PPARG: variants seen among roughly 807,000 people sequenced by gnomAD.
PPARG encodes peroxisome proliferator-activated receptor gamma.
A neutral mutation model predicts 39.2 loss-of-function variants in PPARG; 17 were observed. The ratio of observed to expected loss-of-function variants is 0.43; its 90% CI spans 0.30 to 0.65. The LOEUF is 0.65. Among genes scored for constraint, PPARG ranks in the 30% least tolerant of loss-of-function variants. The probability of loss-of-function intolerance (pLI) is 0.13; values close to 1 mark genes in which losing one functional copy is unlikely to be tolerated. For synonymous variants in PPARG, 223 were observed against 215.7 expected (o/e 1.03, Z -0.30); for missense variants, 406 against 585.9 (o/e 0.69, Z 3.17).
intron 1 of PPARG, among the ~76,000 whole-genome samples, chr3:12,293,296 C>T (rs1029400136): frequency 6.6e-6 from 1 of 152,100 alleles, no homozygotes; most frequent in African/African-American, 2.4e-5. Flanking sequence ...TTTTATTCCA[C>T]TTCATTGATT....
At chr3:12,340,679 C>T (rs892626835) in intron 2 of PPARG, among the ~76,000 whole-genome samples, 2 of 152,164 alleles carry the variant, frequency 1.3e-5, no homozygotes, top group Admixed American at 1.3e-4. Flanking sequence ...AGTCCACAAA[C>T]CTGTCAGGAA....
chr3:12,337,469 G>T (rs1208762227), intron 2 of PPARG, among the ~76,000 whole-genome samples: 1 of 152,110 alleles, frequency 6.6e-6, no homozygotes, highest in Non-Finnish European at 1.5e-5. Flanking sequence ...TCTGAATAGA[G>T]CAAGAGTTTA....
intron 2 of PPARG, among the ~76,000 whole-genome samples, chr3:12,371,635 G>A (rs1057202819): frequency 6.6e-6 from 1 of 152,148 alleles, no homozygotes; most frequent in Non-Finnish European, 1.5e-5. Context: ...TCTGTGAAAA[G>A]TGGCAAAGGT....
At chr3:12,316,305 A>G (rs1216955551) in intron 2 of PPARG, among the ~76,000 whole-genome samples, 1 of 152,192 alleles carries the variant, frequency 6.6e-6, no homozygotes. Context: ...ACTCTTGTGT[A>G]TGTTCAACTA....
intron 1 of PPARG, among the ~76,000 whole-genome samples, chr3:12,297,419 CA>C (rs143198165): frequency 2.0e-5 from 3 of 152,034 alleles, no homozygotes; most frequent in Non-Finnish European, 4.4e-5. Flanking sequence ...CTCTCTTTCC[CA>C]AAGTTTATTC....
Position 12,323,060 on chromosome 3 carries a change from C to T in PPARG, c.-9+10607C>T, listed in dbSNP as rs139039772. Among the ~76,000 whole-genome samples, 562 of 152,282 alleles carry T rather than the reference C, an allele frequency of 3.7e-3. 8 individuals are homozygous for T. The highest frequency in any genetic ancestry group is 0.013 in the African/African-American group (544 of 41,552). Reference sequence around the variant, plus strand: ...AGCTCAAGCCATCCTCCCACCTCAGCCTCCCAAAGTGTTGAGATTATGGGC... The same window carrying T: ...AGCTCAAGCCATCCTCCCACCTCAGTCTCCCAAAGTGTTGAGATTATGGGC... On this transcript the variant is annotated intron_variant, in intron 2 of 7. Transcript: ENST00000651735.
At chr3:12,338,151 A>G (rs771558252) in intron 2 of PPARG, among the ~76,000 whole-genome samples, 33 of 152,368 alleles carry the variant, frequency 2.2e-4, no homozygotes, top group Non-Finnish European at 2.6e-4. Flanking sequence ...TAGGTAGGAA[A>G]GTATGACTTA....
intron 1 of PPARG, among the ~76,000 whole-genome samples, chr3:12,310,791 TAAAAAAAA>T (rs761238501): frequency 2.6e-4 from 13 of 50,336 alleles, no homozygotes; most frequent in Non-Finnish European, 2.0e-4. Context: ...GCCTTAAATG[TAAAAAAAA>T]AAAAAAAAAA....
At chr3:12,426,924 T>G (rs1022132618) in intron 7 of PPARG, among the ~76,000 whole-genome samples, 2 of 152,196 alleles carry the variant, frequency 1.3e-5, no homozygotes, top group African/African-American at 4.8e-5. Context: ...GTGTGCACCC[T>G]TGGCCACACA....
At chr3:12,420,158 G>C (rs2051212906) in intron 7 of PPARG, among the ~76,000 whole-genome samples, 1 of 152,210 alleles carries the variant, frequency 6.6e-6, no homozygotes. Flanking sequence ...ACGAAGGGAA[G>C]CATTTGAAAT....
intron 2 of PPARG, among the ~76,000 whole-genome samples, chr3:12,354,823 G>T (rs1238352143): frequency 6.6e-6 from 1 of 151,554 alleles, no homozygotes; most frequent in Non-Finnish European, 1.5e-5. Context: ...AACAAAAACC[G>T]CAGAACTCTT....
At position 12,407,560 on chromosome 3, in the gene PPARG, G is replaced by A. The variant is rs200439635; in HGVS notation, c.729+1479G>A. ...CTGCAGAACACACTGAGAAGACACC[G>A]TCCCAGCCATGGAAAGCCCTTCTAT... On this transcript the variant is annotated intron_variant, in intron 6 of 7. Coordinates refer to ENST00000651735, the MANE Select transcript of PPARG (RefSeq NM_138711.6). Among the ~76,000 whole-genome samples, 106 of 152,262 alleles carry A rather than the reference G, an allele frequency of 7.0e-4. 2 individuals carry two copies. Among genetic ancestry groups the A allele is most frequent in the East Asian group, 4.8e-3 (25 of 5,176 alleles).
chr3:12,314,281 TTAATTA>T (rs2047329781), intron 2 of PPARG, among the ~76,000 whole-genome samples: 1 of 84,648 alleles, frequency 1.2e-5, no homozygotes, highest in Non-Finnish European at 2.7e-5. Flanking sequence ...TCTCAAAAAA[TTAATTA>T]ATTAATTAAT....
intron 2 of PPARG, among the ~76,000 whole-genome samples, chr3:12,313,814 A>T (rs769718095): frequency 6.6e-6 from 1 of 152,020 alleles, no homozygotes; most frequent in Non-Finnish European, 1.5e-5. Context: ...ATGTATACAC[A>T]TGAGTCCAAA....
intron 2 of PPARG, among the ~76,000 whole-genome samples, chr3:12,344,546 G>A (rs977623800): frequency 1.8e-4 from 27 of 152,248 alleles, no homozygotes; most frequent in African/African-American, 4.8e-4. Flanking sequence ...TTTATTTTCA[G>A]TCAAATATCT....
At chr3:12,385,956 A>G (rs1421068891) in intron 4 of PPARG, among the ~76,000 whole-genome samples, 2 of 152,216 alleles carry the variant, frequency 1.3e-5, no homozygotes, top group African/African-American at 2.4e-5. Flanking sequence ...TTCAAATGAT[A>G]TGAAAAATTT....
chr3:12,312,999 A>G (rs187335504), intron 2 of PPARG, among the ~76,000 whole-genome samples: 1 of 152,264 alleles, frequency 6.6e-6, no homozygotes, highest in African/African-American at 2.4e-5. Context: ...GGGGCTCCCA[A>G]AGTTTCGGGA....
At chr3:12,420,405 C>T (rs2051220726) in intron 7 of PPARG, among the ~76,000 whole-genome samples, 1 of 152,226 alleles carries the variant, frequency 6.6e-6, no homozygotes, top group Non-Finnish European at 1.5e-5. Context: ...AATTTCTGAT[C>T]CTACCCAGTC....
chr3:12,335,751 G>A (rs1479374978), intron 2 of PPARG, among the ~76,000 whole-genome samples: 1 of 151,932 alleles, frequency 6.6e-6, no homozygotes, highest in African/African-American at 2.4e-5. Flanking sequence ...ACCCCACCAC[G>A]TTCTAATTAC....
Sources: gnomAD v4.1 joint callset for allele counts (sites outside exome capture counted in the v4.1 genomes callset) on GRCh38, gnomAD v4.1.1 for gene constraint, MANE v1.5 for transcripts, NCBI Gene and HGNC (gene_info 2026-07-23, HGNC 2026-07-21) for gene names.